Variants in SLC5A4 observed in about 807,000 individuals in gnomAD.
SLC5A4 encodes solute carrier family 5 member 4, also known as probable glucose sensor protein SLC5A4.
Under a neutral mutation model 70.3 loss-of-function variants are expected in SLC5A4, and 55 were observed. That is an observed-to-expected ratio of 0.78 (90% CI 0.63 to 0.98). SLC5A4 has a LOEUF of 0.98. Ranked by LOEUF, SLC5A4 falls within the 50% of genes least tolerant of loss-of-function variation. The probability of loss-of-function intolerance (pLI) is 0.00; values close to 1 mark genes in which losing one functional copy is unlikely to be tolerated. For synonymous variants in SLC5A4, 268 were observed against 305.7 expected (o/e 0.88, Z 1.29); for missense variants, 735 against 839.2 (o/e 0.88, Z 1.53).
chr22:32,228,545 A>AC (rs1412418138), intron 11 of SLC5A4, among the ~76,000 whole-genome samples: 1 of 151,584 alleles, frequency 6.6e-6, no homozygotes, highest in Non-Finnish European at 1.5e-5. Context: ...TCTGTCTCAA[A>AC]AAAAAAAAAT....
chr22:32,332,551 C>T, the SLC5A4 span, among the ~76,000 whole-genome samples: 1 of 152,202 alleles, frequency 6.6e-6, no homozygotes, highest in African/African-American at 2.4e-5. Flanking sequence ...ATCCTGCGGG[C>T]CTTCTGGGAG....
the SLC5A4 span, among the ~76,000 whole-genome samples, chr22:32,311,015 C>G: frequency 6.6e-6 from 1 of 152,224 alleles, no homozygotes; most frequent in Non-Finnish European, 1.5e-5. Context: ...TTTGCACTAG[C>G]TGTTCCTTCT....
intron 7 of SLC5A4, among the ~76,000 whole-genome samples, chr22:32,236,429 G>A (rs1926060174): frequency 6.6e-6 from 1 of 152,018 alleles, no homozygotes; most frequent in Non-Finnish European, 1.5e-5. Context: ...TAGTCATAAT[G>A]AGGTTATGGA....
chr22:32,265,023 T>A, the SLC5A4 span, among the ~76,000 whole-genome samples: 1 of 152,268 alleles, frequency 6.6e-6, no homozygotes, highest in African/African-American at 2.4e-5. Context: ...ATAATTTATA[T>A]AGAATCTTAA....
At chr22:32,246,362 T>C (rs747802930) in intron 5 of SLC5A4, among the ~76,000 whole-genome samples, 27 of 152,200 alleles carry the variant, frequency 1.8e-4, no homozygotes, top group Non-Finnish European at 1.0e-4. Flanking sequence ...TTTTCTCTCA[T>C]GAACTCTGAG....
Position 32,225,843 on chromosome 22 carries a change from AT to A in SLC5A4, c.1281-21del. The A allele has an allele frequency of 6.5e-7, 1 of 1,547,336 alleles. No individual in the cohort carries two copies. The highest frequency in any genetic ancestry group is 8.8e-7 in the Non-Finnish European group (1 of 1,133,160). ...AATATCCTGAGAAGAAAACAACATA[AT>A]TTAAACATTAAACAAAAGCACTATA... On this transcript the variant is annotated intron_variant, in intron 11 of 14. Transcript: ENST00000266086.
chr22:32,347,253 G>A, the SLC5A4 span, among the ~76,000 whole-genome samples: 1 of 152,166 alleles, frequency 6.6e-6, no homozygotes, highest in African/African-American at 2.4e-5. Context: ...TCACACTGTT[G>A]GTGGGACTGT....
chr22:32,324,552 T>A, the SLC5A4 span, among the ~76,000 whole-genome samples: 1 of 152,102 alleles, frequency 6.6e-6, no homozygotes, highest in African/African-American at 2.4e-5. Flanking sequence ...CTCCTACACA[T>A]CCTTCAAGAC....
chr22:32,294,705 G>A, the SLC5A4 span, among the ~76,000 whole-genome samples: 12 of 146,252 alleles, frequency 8.2e-5, 1 homozygote, highest in Non-Finnish European at 3.0e-5. Context: ...GGGTACATGT[G>A]CACATTGTGC....
chr22:32,292,937 A>T, the SLC5A4 span, among the ~76,000 whole-genome samples: 1 of 152,136 alleles, frequency 6.6e-6, no homozygotes, highest in African/African-American at 2.4e-5. Flanking sequence ...TGCTATACAT[A>T]TTTTGAGGTT....
chr22:32,344,854 T>G, the SLC5A4 span, among the ~76,000 whole-genome samples: 1 of 152,130 alleles, frequency 6.6e-6, no homozygotes, highest in Non-Finnish European at 1.5e-5. Flanking sequence ...TAGCGTACCC[T>G]GTATCTGCAC....
the SLC5A4 span, chr22:32,269,288 T>C: frequency 3.7e-6 from 1 of 268,894 alleles, no homozygotes; most frequent in African/African-American, 2.2e-5. This position sits in a 1 kb window ranked among gnomAD's most constrained non-coding sequence, Gnocchi z 4.1. Flanking sequence ...ACCTAAAACA[T>C]AACTTCTCAA....
chr22:32,334,559 C>G, the SLC5A4 span, among the ~76,000 whole-genome samples: 2,191 of 152,290 alleles, frequency 0.014, 53 homozygotes, highest in African/African-American at 0.05. Flanking sequence ...GTGGTAGTGG[C>G]CTCTCACCAA....
the SLC5A4 span, among the ~76,000 whole-genome samples, chr22:32,310,751 C>T: frequency 2.6e-5 from 4 of 152,228 alleles, no homozygotes; most frequent in African/African-American, 7.2e-5. Flanking sequence ...GTCTTCTCAT[C>T]CATAAAATGG....
intron 4 of SLC5A4, 84 bp from the exon 5 acceptor site, chr22:32,247,599 T>A (rs1326106789): frequency 2.3e-6 from 2 of 859,546 alleles, no homozygotes; most frequent in Non-Finnish European, 3.9e-6. Context: ...TAAGCACCTG[T>A]GAGTGAAAGT....
At chr22:32,221,463 G>T (rs113445123) in intron 13 of SLC5A4, among the ~76,000 whole-genome samples, 29 of 152,110 alleles carry the variant, frequency 1.9e-4, no homozygotes, top group African/African-American at 6.5e-4. Context: ...CATTTGGCTG[G>T]TATCTATGTA....
intron 5 of SLC5A4, among the ~76,000 whole-genome samples, chr22:32,240,022 C>CAAAAAAA (rs35616277): frequency 5.4e-5 from 4 of 74,074 alleles, no homozygotes; most frequent in Admixed American, 1.8e-4. Context: ...GACTCCATCT[C>CAAAAAAA]AAAAAAAAAA....
chr22:32,322,693 A>G, the SLC5A4 span, among the ~76,000 whole-genome samples: 1 of 152,134 alleles, frequency 6.6e-6, no homozygotes, highest in Non-Finnish European at 1.5e-5. Flanking sequence ...TCGGTTGCAC[A>G]AATGGGTTCT....
chr22:32,327,257 G>T, the SLC5A4 span: 2 of 152,268 alleles, frequency 1.3e-5, no homozygotes, highest in Non-Finnish European at 2.9e-5. Flanking sequence ...ACATGGCGTG[G>T]TATGTCCACA....
Sources: gnomAD v4.1 joint callset for allele counts (sites outside exome capture counted in the v4.1 genomes callset) on GRCh38, gnomAD v4.1.1 for gene constraint, Gnocchi (gnomAD v3.1) non-coding constraint, MANE v1.5 for transcripts, NCBI Gene and HGNC (gene_info 2026-07-23, HGNC 2026-07-21) for gene names.